Variants in MAP3K13 observed in about 807,000 individuals in gnomAD.
MAP3K13 encodes leucine zipper-bearing kinase.
In MAP3K13, 52 loss-of-function variants were observed where a neutral mutation model predicts 104.0. The ratio of observed to expected loss-of-function variants is 0.50; its 90% CI spans 0.40 to 0.63. The LOEUF (loss-of-function observed/expected upper bound fraction) is 0.63, where lower values mean the gene tolerates loss of function less well. MAP3K13 is among the 20% of genes least tolerant of loss of function. The pLI, the probability that MAP3K13 is intolerant of heterozygous loss-of-function variation, is 0.00. For synonymous variants in MAP3K13, 394 were observed against 442.2 expected (o/e 0.89, Z 1.37); for missense variants, 914 against 1,218.5 (o/e 0.75, Z 3.72).
intron 2 of MAP3K13, among the ~76,000 whole-genome samples, chr3:185,352,971 A>G (rs1159030945): frequency 6.6e-6 from 1 of 152,260 alleles, no homozygotes; most frequent in Non-Finnish European, 1.5e-5. Context: ...AGGTAAAGAT[A>G]TTACTATCCT....
In MAP3K13 at chr3:185,418,633, C is replaced by G. The variant is rs1377924319; in HGVS notation, c.-85-9864C>G. On this transcript the variant is annotated intron_variant, in intron 1 of 13. Transcript: ENST00000265026. The surrounding 1 kb of genome is among the most constrained non-coding windows in gnomAD (Gnocchi z 4.5). The stretch of plus-strand genomic sequence containing the variant: ...TAATTCACTGGCAGCGTAGGGCTGT[C>G]TGTTGTTTTTGCGCAAGTTGGTGTG... 1.3e-5 allele frequency: 21 copies of G among 1,611,914 alleles called. No individual in the cohort carries two copies. The East Asian group carries it at 4.7e-4, about 36-fold the overall frequency.
Position 185,450,140 on chromosome 3 carries a change from G to T in MAP3K13, c.1169+82G>T. The T allele has an allele frequency of 7.6e-7, 1 of 1,314,544 alleles. No homozygotes were observed. The highest frequency in any genetic ancestry group is 1.0e-6 in the Non-Finnish European group (1 of 983,278). 81.4% of individuals were successfully genotyped at this position (1,314,544 alleles called of 1,614,324 possible). A position where few individuals can be genotyped will look rare whatever the true frequency, so the allele number is the denominator to read the frequency against. On this transcript the variant is annotated intron_variant, in intron 6 of 13. Coordinates refer to ENST00000265026, the MANE Select transcript of MAP3K13 (RefSeq NM_004721.5). The surrounding 1 kb of genome is among the most constrained non-coding windows in gnomAD (Gnocchi z 4.2). Reference sequence around the variant, plus strand: ...TATCCTGGTGGTGGAAAGAATAGGAGCTTTGGAGTAGGAGAATCTTGGGTT... The same window carrying T: ...TATCCTGGTGGTGGAAAGAATAGGATCTTTGGAGTAGGAGAATCTTGGGTT...
intron 2 of MAP3K13, among the ~76,000 whole-genome samples, chr3:185,321,900 G>A (rs574041666): frequency 4.6e-5 from 7 of 152,288 alleles, no homozygotes; most frequent in East Asian, 1.9e-4. Context: ...CACCACGCCC[G>A]GCCGTGACTG....
chr3:185,401,120 C>T (rs1712785429), intron 1 of MAP3K13, among the ~76,000 whole-genome samples: 1 of 152,050 alleles, frequency 6.6e-6, no homozygotes, highest in South Asian at 2.1e-4. Flanking sequence ...ACATCATCAG[C>T]AGTTTTCATT....
chr3:185,415,527 A>G (rs960686195), intron 1 of MAP3K13, among the ~76,000 whole-genome samples: 1 of 151,558 alleles, frequency 6.6e-6, no homozygotes, highest in African/African-American at 2.4e-5. Flanking sequence ...GAATCAATGA[A>G]ATCATCTCCT....
Position 185,480,130 on chromosome 3 carries a change from G to C in MAP3K13, c.2502-102G>C, listed in dbSNP as rs189588988. On this transcript the variant is annotated intron_variant, in intron 12 of 13. Transcript: ENST00000265026. The stretch of plus-strand genomic sequence containing the variant: ...GATTTCTTAGGCCTCCTTGATGGCA[G>C]GGAAAAAACTAGATTATCTCTACCA... 25 of 1,155,966 alleles carry C rather than the reference G, an allele frequency of 2.2e-5. No individual in the cohort carries two copies. In the East Asian group the frequency reaches 5.4e-4, roughly 25 times the overall value. The allele number at this position is 1,155,966 out of a possible 1,614,324, so 71.6% of individuals were successfully genotyped here. A position where few individuals can be genotyped will look rare whatever the true frequency, so the allele number is the denominator to read the frequency against.
At chr3:185,417,480 A>G in intron 1 of MAP3K13, 1 of 1,577,394 alleles carries the variant, frequency 6.3e-7, no homozygotes. Context: ...TTATGGAATA[A>G]TCAAATTTAA....
intron 1 of MAP3K13, among the ~76,000 whole-genome samples, chr3:185,382,409 C>G (rs958386262): frequency 2.0e-5 from 3 of 152,060 alleles, no homozygotes; most frequent in African/African-American, 7.2e-5. Flanking sequence ...TAAGTTAAGA[C>G]TACTGTATAT....
chr3:185,329,154 G>A, intron 2 of MAP3K13: 1 of 698,128 alleles, frequency 1.4e-6, no homozygotes, highest in Non-Finnish European at 2.6e-6. Flanking sequence ...GCCGTGAGGT[G>A]TATCAGCAAG....
chr3:185,331,255 A>T (rs988104553), intron 2 of MAP3K13, among the ~76,000 whole-genome samples: 2 of 151,636 alleles, frequency 1.3e-5, no homozygotes, highest in East Asian at 3.9e-4. Context: ...CACCATGCCC[A>T]GCTAATTTTG....
At chr3:185,396,626 G>A (rs558504725) in intron 1 of MAP3K13, among the ~76,000 whole-genome samples, 4 of 152,236 alleles carry the variant, frequency 2.6e-5, no homozygotes, top group African/African-American at 9.6e-5. Context: ...ATATACAAAT[G>A]TAAGATAACA....
chr3:185,418,159 A>T lies in MAP3K13; in HGVS notation c.-85-10338A>T, dbSNP rs878884074. On this transcript the variant is annotated intron_variant, in intron 1 of 13. Coordinates refer to ENST00000265026, the MANE Select transcript of MAP3K13 (RefSeq NM_004721.5). The surrounding 1 kb of genome is among the most constrained non-coding windows in gnomAD (Gnocchi z 4.5). ...ATTATCCTCATTATAGATGATGCAC[A>T]GGCCCCTGCGCTGGATACGGCGACG... 4 of 1,609,216 alleles carry T rather than the reference A, an allele frequency of 2.5e-6. No homozygotes were observed. The highest frequency in any genetic ancestry group is 2.2e-5 in the East Asian group (1 of 44,880).
At chr3:185,378,074 A>G (rs561919517) in intron 1 of MAP3K13, among the ~76,000 whole-genome samples, 1 of 151,980 alleles carries the variant, frequency 6.6e-6, no homozygotes, top group Admixed American at 6.5e-5. Flanking sequence ...TGTGCTGGAG[A>G]TGTGGCTGGG....
At chr3:185,311,031 G>A (rs1721478589) in intron 2 of MAP3K13, among the ~76,000 whole-genome samples, 1 of 152,146 alleles carries the variant, frequency 6.6e-6, no homozygotes, top group African/African-American at 2.4e-5. Context: ...GCTATTTTGT[G>A]TTTCTCTAAA....
chr3:185,340,695 T>A (rs567841827), intron 2 of MAP3K13, among the ~76,000 whole-genome samples: 4 of 152,202 alleles, frequency 2.6e-5, no homozygotes, highest in South Asian at 4.1e-4. Flanking sequence ...GGTAATTAGA[T>A]CACGGGGGTA....
intron 2 of MAP3K13, among the ~76,000 whole-genome samples, chr3:185,302,757 A>G (rs759217175): frequency 3.9e-5 from 6 of 152,166 alleles, no homozygotes; most frequent in Non-Finnish European, 8.8e-5. Context: ...GTTTTTCTAC[A>G]TATATAATCA....
At chr3:185,317,275 G>A (rs1487217388) in intron 2 of MAP3K13, among the ~76,000 whole-genome samples, 2 of 152,150 alleles carry the variant, frequency 1.3e-5, no homozygotes, top group Non-Finnish European at 2.9e-5. Flanking sequence ...AAGTGCCAAG[G>A]GTGAAACTAG....
At chr3:185,400,267 C>A (rs1466092497) in intron 1 of MAP3K13, among the ~76,000 whole-genome samples, 1 of 152,188 alleles carries the variant, frequency 6.6e-6, no homozygotes, top group African/African-American at 2.4e-5. Flanking sequence ...CGCACCCTGC[C>A]CCTCTGGATG....
chr3:185,386,132 G>A (rs182090953), intron 1 of MAP3K13, among the ~76,000 whole-genome samples: 2 of 151,988 alleles, frequency 1.3e-5, no homozygotes, highest in Admixed American at 6.6e-5. Flanking sequence ...GACAATCTAC[G>A]GAATGGGAGA....
Sources: allele counts gnomAD v4.1 joint callset (sites outside exome capture counted in the v4.1 genomes callset), GRCh38; gene constraint gnomAD v4.1.1; non-coding constraint Gnocchi (gnomAD v3.1); transcripts MANE v1.5; gene names NCBI Gene and HGNC (gene_info 2026-07-23, HGNC 2026-07-21).